ELAPOR2: variants seen among roughly 807,000 people sequenced by gnomAD.
The protein encoded by ELAPOR2 is endosome/lysosome-associated apoptosis and autophagy regulator family member 2.
Under a neutral mutation model 120.7 loss-of-function variants are expected in ELAPOR2, and 89 were observed. The ratio of observed to expected loss-of-function variants is 0.74; its 90% CI spans 0.62 to 0.88. The LOEUF (loss-of-function observed/expected upper bound fraction) is 0.88. ELAPOR2 is among the 40% of genes least tolerant of loss of function. ELAPOR2 has a pLI of 0.00. For missense variants in ELAPOR2, 1,134 were observed against 1,251.6 expected, an observed-to-expected ratio of 0.91 and a Z score of 1.42; for synonymous variants, 444 against 444.9, an observed-to-expected ratio of 1.00 and a Z score of 0.03.
chr7:87,045,837 C>T (rs1794937362), intron 1 of ELAPOR2, among the ~76,000 whole-genome samples: 1 of 151,946 alleles, frequency 6.6e-6, no homozygotes, highest in Non-Finnish European at 1.5e-5. Context: ...AACAGGTCCA[C>T]AGCTAGTATC....
intron 1 of ELAPOR2, among the ~76,000 whole-genome samples, chr7:87,033,952 A>G (rs1229889341): frequency 2.6e-5 from 4 of 152,212 alleles, no homozygotes; most frequent in Admixed American, 6.5e-5. Context: ...GGATTGTTCA[A>G]AACACTATTT....
At chr7:86,987,909 G>T (rs184664428) in intron 1 of ELAPOR2, among the ~76,000 whole-genome samples, 104 of 152,218 alleles carry the variant, frequency 6.8e-4, no homozygotes, top group African/African-American at 2.4e-3. Context: ...TATGTTTATT[G>T]TGACACTACT....
At position 86,946,408 on chromosome 7, in the gene ELAPOR2, C is replaced by T. The variant is rs772735597; in HGVS notation, c.506+1319G>A. 1.3e-4 allele frequency among the ~76,000 whole-genome samples: 20 copies of T among 152,248 alleles called. 1 individual carries two copies. The highest frequency in any genetic ancestry group is 4.3e-4 in the African/African-American group (18 of 41,556). On this transcript the variant is annotated intron_variant, in intron 3 of 21. Transcript: ENST00000450689. ...GAAATAAAAAGTATGCAAAAGTGGA[C>T]GGAGTTTTGCTCTTGTTGCCCAGAC...
intron 1 of ELAPOR2, among the ~76,000 whole-genome samples, chr7:87,026,494 T>G (rs1794249409): frequency 1.3e-5 from 2 of 151,684 alleles, no homozygotes; most frequent in South Asian, 4.2e-4. Flanking sequence ...TCAGTGGCCA[T>G]TTTAGGGAAC....
intron 2 of ELAPOR2, among the ~76,000 whole-genome samples, chr7:86,964,085 G>T (rs534096505): frequency 4.6e-4 from 70 of 152,254 alleles, no homozygotes; most frequent in Middle Eastern, 3.4e-3. Context: ...TTAAGAATTT[G>T]CTTGCCTGAT....
At chr7:87,001,937 C>T (rs1020131026) in intron 1 of ELAPOR2, among the ~76,000 whole-genome samples, 2 of 152,126 alleles carry the variant, frequency 1.3e-5, no homozygotes, top group Non-Finnish European at 2.9e-5. Context: ...AAAAATGAAG[C>T]TCTATTTTCC....
At chr7:86,944,425 C>A (rs1051879098) in intron 4 of ELAPOR2, among the ~76,000 whole-genome samples, 1 of 151,700 alleles carries the variant, frequency 6.6e-6, no homozygotes, top group Non-Finnish European at 1.5e-5. Context: ...ACTTCTACTT[C>A]TGAAAAAAAA....
At chr7:86,970,745 G>T (rs1792080674) in intron 1 of ELAPOR2, among the ~76,000 whole-genome samples, 1 of 152,106 alleles carries the variant, frequency 6.6e-6, no homozygotes, top group South Asian at 2.1e-4. Flanking sequence ...TTTTATAAAA[G>T]GAACATGATG....
intron 10 of ELAPOR2, among the ~76,000 whole-genome samples, chr7:86,924,759 T>A (rs937529359): frequency 6.6e-6 from 1 of 151,822 alleles, no homozygotes; most frequent in Admixed American, 6.6e-5. Flanking sequence ...TTTTTTTGAA[T>A]AGATATTGAT....
intron 18 of ELAPOR2, among the ~76,000 whole-genome samples, chr7:86,904,447 T>C (rs1450984543): frequency 6.6e-6 from 1 of 152,212 alleles, no homozygotes; most frequent in East Asian, 1.9e-4. Flanking sequence ...CCTATTGTGC[T>C]AGCAGTTTAT....
chr7:86,891,647 G>A (rs1279351338), intron 21 of ELAPOR2, 77 bp downstream of exon 21: 12 of 1,205,702 alleles, frequency 1.0e-5, no homozygotes, highest in African/African-American at 1.5e-5. Context: ...AACAGCTTGC[G>A]TGAATGCTAT....
At chr7:87,048,648 C>T (rs1047411928) in intron 1 of ELAPOR2, among the ~76,000 whole-genome samples, 3 of 152,106 alleles carry the variant, frequency 2.0e-5, no homozygotes, top group Non-Finnish European at 4.4e-5. Flanking sequence ...AATTGTAACA[C>T]AAAGGATAAA....
At chr7:87,015,201 A>C (rs1430367523) in intron 1 of ELAPOR2, among the ~76,000 whole-genome samples, 1 of 152,200 alleles carries the variant, frequency 6.6e-6, no homozygotes, top group Non-Finnish European at 1.5e-5. Flanking sequence ...AGTGCCTTTT[A>C]ATTTTAATAT....
rs192802461 is a variant in ELAPOR2, at chr7:86,888,060, T to C, written c.3030+3664A>G. 2.0e-5 allele frequency among the ~76,000 whole-genome samples: 3 copies of C among 152,128 alleles called. No individual in the cohort carries two copies. In the East Asian group the frequency reaches 5.8e-4, roughly 29 times the overall value. On this transcript the variant is annotated intron_variant, in intron 21 of 21. Coordinates refer to ENST00000450689, the MANE Select transcript of ELAPOR2 (RefSeq NM_001142749.3). ...CCACCCAGAAGGGGATCTAGGAAAT[T>C]CAAATATAATTCTGGTTTAACCACC...
intron 1 of ELAPOR2, among the ~76,000 whole-genome samples, chr7:87,035,276 G>C (rs1794551423): frequency 6.6e-6 from 1 of 152,112 alleles, no homozygotes; most frequent in Admixed American, 6.5e-5. Flanking sequence ...ATGGAACCTA[G>C]GTTTGCAATC....
chr7:87,047,498 C>G (rs1794988303), intron 1 of ELAPOR2, among the ~76,000 whole-genome samples: 1 of 152,146 alleles, frequency 6.6e-6, no homozygotes, highest in South Asian at 2.1e-4. Flanking sequence ...ATCTAATAAT[C>G]TAGTCAAAAA....
chr7:86,944,841 A>G (rs1458101765), intron 4 of ELAPOR2, 58 bp downstream of exon 4: 3 of 1,409,432 alleles, frequency 2.1e-6, no homozygotes, highest in Non-Finnish European at 2.8e-6. Context: ...CAACTGACTA[A>G]GGGAAATTTA....
chr7:86,959,401 C>T (rs1791612343), intron 2 of ELAPOR2, among the ~76,000 whole-genome samples: 1 of 152,178 alleles, frequency 6.6e-6, no homozygotes, highest in East Asian at 1.9e-4. Context: ...TGCCTTATGC[C>T]AGATCTTAGA....
At chr7:86,952,389 C>A (rs561295214) in intron 2 of ELAPOR2, among the ~76,000 whole-genome samples, 1 of 152,258 alleles carries the variant, frequency 6.6e-6, no homozygotes, top group South Asian at 2.1e-4. Flanking sequence ...AAAGCTGAAA[C>A]TCAAATTCTG....
Sources: allele counts gnomAD v4.1 joint callset (sites outside exome capture counted in the v4.1 genomes callset), GRCh38; gene constraint gnomAD v4.1.1; transcripts MANE v1.5; gene names NCBI Gene and HGNC (gene_info 2026-07-23, HGNC 2026-07-21).